The following KLHDC4 variants were observed in gnomAD, a reference collection of about 807,000 sequenced individuals.
The protein encoded by KLHDC4 is kelch domain-containing protein 4.
Under a neutral mutation model 62.4 loss-of-function variants are expected in KLHDC4, and 90 were observed. The observed-to-expected ratio is 1.44, with a 90% CI of 1.22 to 1.72. The LOEUF is 1.72. KLHDC4 is among the 40% of genes most tolerant of loss of function. The pLI is 0.00. For missense variants in KLHDC4, 1,025 were observed against 699.7 expected, an observed-to-expected ratio of 1.47 and a Z score of -5.25; for synonymous variants, 386 against 284.4, an observed-to-expected ratio of 1.36 and a Z score of -3.59.
At chr16:87,728,625 T>C (rs1383086001) in intron 6 of KLHDC4, among the ~76,000 whole-genome samples, 2 of 152,166 alleles carry the variant, frequency 1.3e-5, no homozygotes, top group East Asian at 3.9e-4. Flanking sequence ...AGGTAATGAA[T>C]TAATGCTCTG....
chr16:87,761,363 A>C (rs1369034517), intron 2 of KLHDC4, among the ~76,000 whole-genome samples: 1 of 152,342 alleles, frequency 6.6e-6, no homozygotes, highest in Non-Finnish European at 1.5e-5. Context: ...CCCGGCTTCC[A>C]CTAGGGCCTG....
downstream of KLHDC4, among the ~76,000 whole-genome samples, chr16:87,705,421 C>G (rs1357993826): frequency 2.0e-5 from 3 of 152,268 alleles, no homozygotes; most frequent in East Asian, 5.8e-4. Flanking sequence ...GTGACAGCCA[C>G]TCCATGCTGG....
At chr16:87,700,997 G>A (rs887665355) in exon 1 of KLHDC4, 7 of 219,296 alleles carry the variant, frequency 3.2e-5, no homozygotes, top group African/African-American at 7.2e-5. Context: ...CTGAGGAAGC[G>A]ACTGTCCCCA....
chr16:87,741,630 G>C (rs1181112031), intron 5 of KLHDC4, among the ~76,000 whole-genome samples: 2 of 90,772 alleles, frequency 2.2e-5, no homozygotes, highest in African/African-American at 8.5e-5. Context: ...GGGGACCATT[G>C]CTATACATTA....
chr16:87,743,119 C>T (rs1024992416), intron 5 of KLHDC4: 3 of 152,190 alleles, frequency 2.0e-5, no homozygotes, highest in Admixed American at 6.5e-5. Flanking sequence ...TCTGATGTTT[C>T]GTTAAGTCAC....
chr16:87,738,245 C>T (rs1269691162), intron 5 of KLHDC4, among the ~76,000 whole-genome samples: 2 of 152,148 alleles, frequency 1.3e-5, no homozygotes, highest in African/African-American at 4.8e-5. Context: ...TGCCGAGGAG[C>T]CTTCTCCAGG....
downstream of KLHDC4, among the ~76,000 whole-genome samples, chr16:87,707,164 A>C (rs1192302666): frequency 6.6e-6 from 1 of 152,250 alleles, no homozygotes; most frequent in Non-Finnish European, 1.5e-5. Context: ...ATTGGCCTTC[A>C]GTCTTGGACT....
rs747157765 is a variant in KLHDC4, at chr16:87,707,908, C to CA, written c.*168dup. On this transcript the variant is annotated 3_prime_UTR_variant, in exon 12 of 12. Transcript: ENST00000270583. Reference sequence around the variant, plus strand: ...TTGAACTTCCGGCCCAGTGCCGCGTCAGAGACTAAACCATGGGAGAAAGTT... The same window carrying CA: ...TTGAACTTCCGGCCCAGTGCCGCGTCAAGAGACTAAACCATGGGAGAAAGTT... 2.2e-6 allele frequency: 1 copy of CA among 458,810 alleles called. No individual in the cohort carries two copies. The highest frequency in any genetic ancestry group is 1.5e-5 in the South Asian group (1 of 64,554). The allele number at this position is 458,810 out of a possible 1,614,324, so 28.4% of individuals were successfully genotyped here. A position where few individuals can be genotyped will look rare whatever the true frequency, so the allele number is the denominator to read the frequency against.
Position 87,730,574 on chromosome 16 carries a change from C to A in KLHDC4, c.577G>T (p.Gly193Cys), listed in dbSNP as rs765286968. ...VAWKRQLILF[G>C]GFHESTRDYI... ...AACCGTGTACTTTCATGGAAGCCAC[C>A]AAACAGGATCAATTGTCTCTTCCAG... The change falls in exon 6 of 12, where the codon GGT becomes TGT. Residue 193 changes from glycine to cysteine, a missense_variant. Physicochemically the swap from Gly to Cys is radical, Grantham distance 159. Transcript: ENST00000270583. 2 of 1,612,762 alleles carry A rather than the reference C, an allele frequency of 1.2e-6. No homozygotes were observed. The highest frequency in any genetic ancestry group is 1.7e-6 in the Non-Finnish European group (2 of 1,179,704).
Position 87,707,877 on chromosome 16 carries a change from A to G in KLHDC4, c.*200T>C, listed in dbSNP as rs907046590. 1.1e-5 allele frequency: 5 copies of G among 448,426 alleles called. No individual in the cohort carries two copies. The highest frequency in any genetic ancestry group is 1.0e-4 in the African/African-American group (5 of 49,928). 27.8% of individuals were successfully genotyped at this position (448,426 alleles called of 1,614,324 possible). A position where few individuals can be genotyped will look rare whatever the true frequency, so the allele number is the denominator to read the frequency against. On this transcript the variant is annotated 3_prime_UTR_variant, in exon 12 of 12. Coordinates refer to ENST00000270583, the MANE Select transcript of KLHDC4 (RefSeq NM_017566.4). ...TGCTGAGGGAATCCACCTGCACTGC[A>G]CTCAGTTGAACTTCCGGCCCAGTGC...
chr16:87,730,703 G>T, intron 5 of KLHDC4, 59 bp from the exon 6 acceptor site: 2 of 1,457,368 alleles, frequency 1.4e-6, no homozygotes, highest in Non-Finnish European at 1.9e-6. Context: ...TTGTTCTAAA[G>T]ACGACAACAA....
chr16:87,745,815 C>A (rs896350662), intron 5 of KLHDC4, among the ~76,000 whole-genome samples: 1 of 152,198 alleles, frequency 6.6e-6, no homozygotes. Context: ...ACACGGACAT[C>A]AGCTGTCAAA....
exon 1 of KLHDC4, chr16:87,700,464 G>T: frequency 6.1e-6 from 1 of 164,380 alleles, no homozygotes. Flanking sequence ...ATAAGGCGGA[G>T]GGAGGAGGGC....
intron 9 of KLHDC4, chr16:87,710,959 C>G: frequency 2.3e-6 from 1 of 434,728 alleles, no homozygotes; most frequent in East Asian, 4.0e-5. Context: ...CCTTCTCACA[C>G]AGAGGGCCGG....
At position 87,761,994 on chromosome 16, in the gene KLHDC4, T is replaced by C. The variant is rs139515922; in HGVS notation, c.146A>G (p.Lys49Arg). The stretch of plus-strand genomic sequence containing the variant: ...CGGAAGTTCCACAGTCTGAGTCCTC[T>C]TGGCATCGAGTGTCTGGAAATGGGC... ...LIAHFQTLDA[K>R]RTQTVELPCP... The change falls in exon 2 of 12, where the codon AAG becomes AGG. Residue 49 changes from lysine to arginine, a missense_variant. Lys to Arg is a conservative substitution (Grantham distance 26). Coordinates refer to ENST00000270583, the MANE Select transcript of KLHDC4 (RefSeq NM_017566.4). 16 of 1,613,946 alleles carry C rather than the reference T, an allele frequency of 9.9e-6. No homozygotes were observed. Among genetic ancestry groups the C allele is most frequent in the Middle Eastern group, 3.3e-4 (2 of 6,060 alleles).
At chr16:87,713,650 G>A (rs1348535788) in intron 8 of KLHDC4, among the ~76,000 whole-genome samples, 5 of 151,930 alleles carry the variant, frequency 3.3e-5, no homozygotes, top group East Asian at 3.9e-4. Flanking sequence ...AGGAAACGCC[G>A]CCAACAGTTC....
chr16:87,754,933 C>T (rs933853308), intron 4 of KLHDC4, among the ~76,000 whole-genome samples: 2 of 152,122 alleles, frequency 1.3e-5, no homozygotes, highest in African/African-American at 4.8e-5. Context: ...CCAGTGGCTG[C>T]GACACACCAG....
chr16:87,737,106 CAAAAA>C (rs55787836), intron 5 of KLHDC4, among the ~76,000 whole-genome samples: 2 of 64,824 alleles, frequency 3.1e-5, no homozygotes, highest in Non-Finnish European at 2.8e-5. Flanking sequence ...GCCTGGGCGA[CAAAAA>C]AAAAAAAAAA....
intron 9 of KLHDC4, 190 bp downstream of exon 9, chr16:87,711,045 G>A (rs561898238): frequency 2.1e-5 from 13 of 606,370 alleles, no homozygotes; most frequent in African/African-American, 1.8e-4. Flanking sequence ...GACAGACTAA[G>A]GGGACCGTGA....
Sources: gnomAD v4.1 joint callset for allele counts (sites outside exome capture counted in the v4.1 genomes callset) on GRCh38, gnomAD v4.1.1 for gene constraint, MANE v1.5 for transcripts, NCBI Gene and HGNC (gene_info 2026-07-23, HGNC 2026-07-21) for gene names.